The following TGFBR1 variants were observed in gnomAD, a reference collection of about 807,000 sequenced individuals.
TGFBR1 encodes the protein TGF-beta receptor type-1.
Under a neutral mutation model 55.1 loss-of-function variants are expected in TGFBR1, and 20 were observed. The ratio of observed to expected loss-of-function variants is 0.36; its 90% CI spans 0.26 to 0.53. TGFBR1 has a LOEUF of 0.53. Among genes scored for constraint, TGFBR1 ranks in the 20% least tolerant of loss-of-function variants. TGFBR1 has a pLI of 0.91. For missense variants in TGFBR1, 385 were observed against 617.6 expected (o/e 0.62, Z 3.99); for synonymous variants, 220 against 214.8 (o/e 1.02, Z -0.21).
At chr9:99,135,620 A>G (rs1284575202) in intron 3 of TGFBR1, among the ~76,000 whole-genome samples, 2 of 152,168 alleles carry the variant, frequency 1.3e-5, no homozygotes, top group African/African-American at 4.8e-5. Context: ...CAGCTTTTGT[A>G]AGTGAGTCTT....
chr9:99,153,013 AATTTGTTTTT>A lies in TGFBR1; in HGVS notation c.*3713_*3722del, dbSNP rs1282734916. 5 of 228,552 alleles carry A rather than the reference AATTTGTTTTT, an allele frequency of 2.2e-5. No individual in the cohort carries two copies. Among genetic ancestry groups the A allele is most frequent in the African/African-American group, 1.1e-4 (5 of 45,116 alleles). 14.2% of individuals were successfully genotyped at this position (228,552 alleles called of 1,614,324 possible). ...TTACAACTTAAAAGGAACTTCAGTG[AATTTGTTTTT>A]ATTTTTTAACAAGATTTGTGAACTG... On this transcript the variant is annotated 3_prime_UTR_variant, in exon 9 of 9. Coordinates refer to ENST00000374994, the MANE Select transcript of TGFBR1 (RefSeq NM_004612.4).
At chr9:99,139,590 T>G (rs1827548864) in intron 4 of TGFBR1, among the ~76,000 whole-genome samples, 2 of 152,236 alleles carry the variant, frequency 1.3e-5, no homozygotes, top group African/African-American at 4.8e-5. Context: ...CAATATGTTT[T>G]CATCTGTAAA....
intron 1 of TGFBR1, among the ~76,000 whole-genome samples, chr9:99,127,324 G>A (rs115681225): frequency 4.1e-4 from 62 of 152,246 alleles, no homozygotes; most frequent in African/African-American, 1.4e-3. Context: ...CTGTTGGTCA[G>A]TCACTTAGGC....
intron 1 of TGFBR1, among the ~76,000 whole-genome samples, chr9:99,128,475 TAAAAAAA>T (rs66612011): frequency 3.1e-4 from 32 of 104,028 alleles, no homozygotes; most frequent in East Asian, 1.6e-3. Context: ...TTGGGCCTGG[TAAAAAAA>T]AAAAAAAAAA....
At chr9:99,148,845 AGAAAG>A (rs1827885778) in intron 8 of TGFBR1, among the ~76,000 whole-genome samples, 1 of 105,386 alleles carries the variant, frequency 9.5e-6, no homozygotes, top group Non-Finnish European at 2.3e-5. Context: ...AAAAAAAAAA[AGAAAG>A]AAAAATTTGA....
At chr9:99,145,027 T>C (rs949481916) in intron 6 of TGFBR1, 139 bp downstream of exon 6, 16 of 976,840 alleles carry the variant, frequency 1.6e-5, no homozygotes, top group Admixed American at 4.5e-5. Flanking sequence ...GATCTCATGG[T>C]CTTGCCTGCT....
intron 3 of TGFBR1, among the ~76,000 whole-genome samples, chr9:99,132,966 T>C (rs1827292631): frequency 1.3e-5 from 2 of 152,202 alleles, no homozygotes; most frequent in Admixed American, 1.3e-4. Flanking sequence ...ATAAGTCAGC[T>C]CCATGGTGGT....
intron 4 of TGFBR1, 110 bp from the exon 5 acceptor site, chr9:99,142,426 C>A: frequency 3.5e-6 from 4 of 1,137,790 alleles, no homozygotes; most frequent in East Asian, 2.4e-5. Flanking sequence ...CTTAAGGTGG[C>A]ATTATATTGC....
chr9:99,127,150 G>T (rs544228617), intron 1 of TGFBR1, among the ~76,000 whole-genome samples: 1 of 152,160 alleles, frequency 6.6e-6, no homozygotes, highest in African/African-American at 2.4e-5. Context: ...AAAGCAAAAG[G>T]CACCCGGGGT....
chr9:99,108,069 A>G (rs1311346040), intron 1 of TGFBR1, among the ~76,000 whole-genome samples: 2 of 152,240 alleles, frequency 1.3e-5, no homozygotes, highest in Non-Finnish European at 2.9e-5. Flanking sequence ...TTGTGGCCTC[A>G]GAACTTAGCA....
At chr9:99,146,463 T>G (rs534373957) in intron 6 of TGFBR1, 22 bp from the exon 7 acceptor site, 52 of 1,613,758 alleles carry the variant, frequency 3.2e-5, no homozygotes, top group South Asian at 1.5e-4. Context: ...TTTTCAAAGT[T>G]CTTTTTGCAA....
intron 1 of TGFBR1, among the ~76,000 whole-genome samples, chr9:99,125,662 T>G (rs1194937092): frequency 6.6e-6 from 1 of 152,220 alleles, no homozygotes; most frequent in Non-Finnish European, 1.5e-5. Context: ...CAAGGACATT[T>G]GGCCTGAAGG....
chr9:99,129,908 GAT>G (rs1425709958), intron 2 of TGFBR1, among the ~76,000 whole-genome samples: 1 of 151,750 alleles, frequency 6.6e-6, no homozygotes, highest in Non-Finnish European at 1.5e-5. Context: ...AAAAAAAAAA[GAT>G]AATAAATAAA....
At chr9:99,134,800 CAT>C (rs1491276026) in intron 3 of TGFBR1, among the ~76,000 whole-genome samples, 4 of 58,238 alleles carry the variant, frequency 6.9e-5, no homozygotes, top group South Asian at 5.5e-4. Flanking sequence ...ATTCTGTTTC[CAT>C]TATATATATA....
Position 99,106,710 on chromosome 9 carries a change from A to G in TGFBR1, c.97+1408A>G, listed in dbSNP as rs1826424869. On this transcript the variant is annotated intron_variant, in intron 1 of 8. Coordinates refer to ENST00000374994, the MANE Select transcript of TGFBR1 (RefSeq NM_004612.4). Reference sequence around the variant, plus strand: ...CCAAACCTGTATGTCATATATATATATAAATATGTATACATCATACTATCT... The same window carrying G: ...CCAAACCTGTATGTCATATATATATGTAAATATGTATACATCATACTATCT... Among the ~76,000 whole-genome samples, 8 of 152,200 alleles carry G rather than the reference A, an allele frequency of 5.3e-5. No homozygotes were observed. The South Asian group carries it at 1.7e-3, about 32-fold the overall frequency.
At chr9:99,127,941 G>A (rs962264748) in intron 1 of TGFBR1, 1 of 456,026 alleles carries the variant, frequency 2.2e-6, no homozygotes, top group Non-Finnish European at 4.4e-6. Flanking sequence ...ACTAATACAG[G>A]TATCTGGCCT....
intron 1 of TGFBR1, among the ~76,000 whole-genome samples, chr9:99,110,234 A>G (rs1336763789): frequency 1.3e-5 from 2 of 151,848 alleles, no homozygotes; most frequent in Non-Finnish European, 2.9e-5. Context: ...TTTCTAATCT[A>G]ACTTAAAAAA....
In TGFBR1 at chr9:99,128,891, A is replaced by G. The variant is rs387906696; in HGVS notation, c.134A>G (p.Asn45Ser). The change falls in exon 2 of 9, where the codon AAT (asparagine) becomes AGT (serine). Residue 45 changes from asparagine (N) to serine (S), a missense_variant. This residue lies in a region of TGFBR1 where 7 missense variants were observed against 26.8 expected (regional missense o/e 0.26). Transcript: ENST00000374994. The part of the protein sequence containing the change: ...QCFCHLCTKD[N>S]FTCVTDGLCF... ...TTCTGCCACCTCTGTACAAAAGACAATTTTACTTGTGTGACAGATGGGCTC... is the reference window on the plus strand; with the variant it reads ...TTCTGCCACCTCTGTACAAAAGACAGTTTTACTTGTGTGACAGATGGGCTC... 14 of 1,613,766 alleles carry G rather than the reference A, an allele frequency of 8.7e-6. No homozygotes were observed. Among genetic ancestry groups the G allele is most frequent in the South Asian group, 2.2e-5 (2 of 91,076 alleles).
chr9:99,124,831 C>G (rs528379865), intron 1 of TGFBR1, among the ~76,000 whole-genome samples: 1 of 151,856 alleles, frequency 6.6e-6, no homozygotes, highest in Non-Finnish European at 1.5e-5. Flanking sequence ...AAGAAAAACC[C>G]TTTAGTACTG....
Sources: gnomAD v4.1 joint callset for allele counts (sites outside exome capture counted in the v4.1 genomes callset) on GRCh38, gnomAD v4.1.1 for gene constraint, gnomAD v4.1.1 regional missense constraint, MANE v1.5 for transcripts, NCBI Gene and HGNC (gene_info 2026-07-23, HGNC 2026-07-21) for gene names.